LAMA2: variants seen among roughly 807,000 people sequenced by gnomAD.
The protein encoded by LAMA2 is laminin subunit alpha-2.
In LAMA2, 269 loss-of-function variants were observed where a neutral mutation model predicts 364.8. That is an observed-to-expected ratio of 0.74 (90% CI 0.67 to 0.82). The LOEUF (loss-of-function observed/expected upper bound fraction) is 0.82. Among genes scored for constraint, LAMA2 ranks in the 40% least tolerant of loss-of-function variants. The pLI, the probability that LAMA2 is intolerant of heterozygous loss-of-function variation, is 0.00. For synonymous variants in LAMA2, 1,379 were observed against 1,370.6 expected, an observed-to-expected ratio of 1.01 and a Z score of -0.14; for missense variants, 3,807 against 3,873.2, an observed-to-expected ratio of 0.98 and a Z score of 0.45.
At chr6:129,306,289 AG>A (rs1773861023) in intron 22 of LAMA2, among the ~76,000 whole-genome samples, 1 of 134,692 alleles carries the variant, frequency 7.4e-6, no homozygotes, top group Admixed American at 7.3e-5. Context: ...CTGTTGTTTC[AG>A]GTCTGCTGAC....
chr6:129,061,659 G>T (rs1168260970), intron 3 of LAMA2, among the ~76,000 whole-genome samples: 1 of 152,122 alleles, frequency 6.6e-6, no homozygotes, highest in South Asian at 2.1e-4. Flanking sequence ...ATGTGGATTT[G>T]TCGTTCTGTT....
At position 129,062,350 on chromosome 6, in the gene LAMA2, G is replaced by A. The variant is rs569709010; in HGVS notation, c.396+2454G>A. Among the ~76,000 whole-genome samples the A allele has an allele frequency of 7.9e-5, 12 of 152,258 alleles. 1 individual carries two copies. The highest frequency in any genetic ancestry group is 7.8e-4 in the Admixed American group (12 of 15,300). ...ATTATGGGCAGGGCTGGGGCAACATGAATAGTCTGAATCCAGACCCAAATA... is the reference window on the plus strand; with the variant it reads ...ATTATGGGCAGGGCTGGGGCAACATAAATAGTCTGAATCCAGACCCAAATA... On this transcript the variant is annotated intron_variant, in intron 3 of 64. Transcript: ENST00000421865.
intron 32 of LAMA2, among the ~76,000 whole-genome samples, chr6:129,364,910 A>C (rs1197939409): frequency 6.6e-6 from 1 of 152,220 alleles, no homozygotes; most frequent in African/African-American, 2.4e-5. Flanking sequence ...GCATCTTCAC[A>C]CAGGCAGAGC....
chr6:129,426,849 A>G (rs1781348617), intron 40 of LAMA2, among the ~76,000 whole-genome samples: 1 of 152,230 alleles, frequency 6.6e-6, no homozygotes, highest in Non-Finnish European at 1.5e-5. Flanking sequence ...GGCAGTCCAG[A>G]TGCCTTTAAC....
At chr6:128,948,000 A>G (rs931038494) in intron 1 of LAMA2, among the ~76,000 whole-genome samples, 3 of 152,136 alleles carry the variant, frequency 2.0e-5, no homozygotes, top group Admixed American at 6.6e-5. Context: ...TGAGACTATA[A>G]GAAAGGAGGT....
chr6:129,427,600 A>T lies in LAMA2; in HGVS notation c.5866-152A>T, dbSNP rs1781385437. On this transcript the variant is annotated intron_variant, in intron 40 of 64. Coordinates refer to ENST00000421865, the MANE Select transcript of LAMA2 (RefSeq NM_000426.4). ...CGTAATAAACAGTCTCCTAACTTTA[A>T]CTACCGAATATGTGCTAATAATTTA... 6.1e-6 allele frequency: 4 copies of T among 656,922 alleles called. No individual in the cohort carries two copies. The Admixed American group carries it at 9.8e-5, about 16-fold the overall frequency. 40.7% of individuals were successfully genotyped at this position (656,922 alleles called of 1,614,324 possible).
chr6:129,179,956 T>C (rs1372620966), intron 10 of LAMA2, among the ~76,000 whole-genome samples: 1 of 152,172 alleles, frequency 6.6e-6, no homozygotes, highest in Non-Finnish European at 1.5e-5. Flanking sequence ...ATTAAGTGCC[T>C]ACAGTCTCTT....
intron 1 of LAMA2, among the ~76,000 whole-genome samples, chr6:128,941,703 A>G (rs1241575194): frequency 2.6e-5 from 4 of 152,238 alleles, no homozygotes; most frequent in Admixed American, 6.5e-5. Flanking sequence ...TGGTAAATAT[A>G]TAAGTGAGAA....
chr6:129,059,699 AT>A (rs71785506), intron 2 of LAMA2, 84 bp from the exon 3 acceptor site: 1,436 of 816,540 alleles, frequency 1.8e-3, no homozygotes, highest in African/African-American at 2.2e-3. Flanking sequence ...TGTTTTAACC[AT>A]TTTTTTTTAC....
intron 5 of LAMA2, among the ~76,000 whole-genome samples, chr6:129,146,126 TA>T (rs2114962470): frequency 6.6e-6 from 1 of 152,078 alleles, no homozygotes; most frequent in South Asian, 2.1e-4. Flanking sequence ...GGAACTCAGA[TA>T]TGTGTCCACC....
chr6:129,199,066 C>G (rs998092317), intron 12 of LAMA2, among the ~76,000 whole-genome samples: 1 of 152,006 alleles, frequency 6.6e-6, no homozygotes, highest in Non-Finnish European at 1.5e-5. Flanking sequence ...AAACCCCTAC[C>G]CAAAGTCACT....
chr6:129,270,526 TG>T, intron 16 of LAMA2, 97 bp from the exon 17 acceptor site: 1 of 1,195,890 alleles, frequency 8.4e-7, no homozygotes, highest in Non-Finnish European at 1.2e-6. Context: ...TTATTCTTGC[TG>T]GCAGGGAGCA....
intron 1 of LAMA2, among the ~76,000 whole-genome samples, chr6:128,932,983 C>G (rs760815616): frequency 9.9e-5 from 15 of 152,090 alleles, no homozygotes; most frequent in Non-Finnish European, 1.8e-4. Flanking sequence ...CCCTTTGACC[C>G]AAACCTCTCA....
At chr6:129,154,404 ACT>A in intron 7 of LAMA2, 99 bp from the exon 8 acceptor site, 6 of 1,065,680 alleles carry the variant, frequency 5.6e-6, no homozygotes, top group South Asian at 2.7e-5. Flanking sequence ...ACAGAGTGAG[ACT>A]CTGTCTCAAA....
At chr6:128,930,330 A>G (rs530745768) in intron 1 of LAMA2, among the ~76,000 whole-genome samples, 1 of 152,338 alleles carries the variant, frequency 6.6e-6, no homozygotes, top group Non-Finnish European at 1.5e-5. Context: ...ATATTCATAG[A>G]TATTGCAGTT....
At chr6:129,337,915 G>C (rs147869833) in intron 29 of LAMA2, among the ~76,000 whole-genome samples, 17 of 152,154 alleles carry the variant, frequency 1.1e-4, no homozygotes, top group African/African-American at 3.9e-4. Flanking sequence ...AGACAGAAAA[G>C]TCATATGAAA....
intron 35 of LAMA2, 123 bp from the exon 36 acceptor site, chr6:129,391,368 C>T (rs1308080689): frequency 2.4e-6 from 2 of 821,500 alleles, no homozygotes; most frequent in Non-Finnish European, 4.2e-6. Context: ...TGGTTCCCAG[C>T]AGGAACACTC....
chr6:129,063,957 C>T (rs1283457573), intron 3 of LAMA2, among the ~76,000 whole-genome samples: 3 of 151,930 alleles, frequency 2.0e-5, no homozygotes, highest in Admixed American at 1.3e-4. Context: ...ACATAAAATA[C>T]GTGGAAATAC....
In LAMA2 at chr6:129,465,365, A is replaced by G. The variant is rs1041485408; in HGVS notation, c.7300+76A>G. Reference sequence around the variant, plus strand: ...AGTGCACATGTACCTGATCAAGAGGAAGGCTCCGTCTATAATTTTAGCTAC... The same window carrying G: ...AGTGCACATGTACCTGATCAAGAGGGAGGCTCCGTCTATAATTTTAGCTAC... On this transcript the variant is annotated intron_variant, in intron 51 of 64. Transcript: ENST00000421865. The G allele has an allele frequency of 8.9e-6, 11 of 1,236,530 alleles. No homozygotes were observed. The African/African-American group carries it at 1.6e-4, about 18-fold the overall frequency. 76.6% of individuals were successfully genotyped at this position (1,236,530 alleles called of 1,614,324 possible).
Sources: gnomAD v4.1 joint callset for allele counts (sites outside exome capture counted in the v4.1 genomes callset) on GRCh38, gnomAD v4.1.1 for gene constraint, MANE v1.5 for transcripts, NCBI Gene and HGNC (gene_info 2026-07-23, HGNC 2026-07-21) for gene names.